UTRN: variants seen among roughly 807,000 people sequenced by gnomAD.
The protein encoded by UTRN is dystrophin-related protein 1.
A neutral mutation model predicts 463.9 loss-of-function variants in UTRN; 283 were observed. The ratio of observed to expected loss-of-function variants is 0.61; its 90% CI spans 0.55 to 0.67. The LOEUF is 0.67. Among genes scored for constraint, UTRN ranks in the 30% least tolerant of loss-of-function variants. UTRN has a pLI of 0.00. For missense variants in UTRN, 3,922 were observed against 4,084.3 expected, an observed-to-expected ratio of 0.96 and a Z score of 1.08; for synonymous variants, 1,442 against 1,431.5, an observed-to-expected ratio of 1.01 and a Z score of -0.17.
At chr6:144,340,726 T>C (rs1444966419) in intron 2 of UTRN, among the ~76,000 whole-genome samples, 2 of 152,192 alleles carry the variant, frequency 1.3e-5, no homozygotes, top group South Asian at 2.1e-4. Context: ...ACTTGCAACA[T>C]AAATGGTCTA....
intron 51 of UTRN, among the ~76,000 whole-genome samples, chr6:144,622,370 A>G (rs941212827): frequency 2.6e-5 from 4 of 151,710 alleles, no homozygotes; most frequent in African/African-American, 9.7e-5. Flanking sequence ...TATTTTTATT[A>G]GAGATGGGGT....
intron 2 of UTRN, among the ~76,000 whole-genome samples, chr6:144,329,074 C>T (rs1300128214): frequency 1.3e-5 from 2 of 148,634 alleles, no homozygotes; most frequent in East Asian, 2.0e-4. Flanking sequence ...TGTGAGCCAC[C>T]GCACCTGGCC....
Position 144,516,949 on chromosome 6 carries a change from G to A in UTRN, c.5541+1G>A. ...GCATACTAGATACAACAAAATTAAG[G>A]TATTATGATTGGAGAGTCTCTGTTG... is the stretch of plus-strand genomic sequence containing the variant. On this transcript the variant is annotated splice_donor_variant, in intron 39 of 74. Coordinates refer to ENST00000367545, the MANE Select transcript of UTRN (RefSeq NM_007124.3). LOFTEE classifies it high-confidence loss of function. The A allele has an allele frequency of 1.4e-6, 2 of 1,471,112 alleles. No homozygotes were observed. Among genetic ancestry groups the A allele is most frequent in the Non-Finnish European group, 1.8e-6 (2 of 1,116,056 alleles). 91.1% of individuals were successfully genotyped at this position (1,471,112 alleles called of 1,614,324 possible). A position where few individuals can be genotyped will look rare whatever the true frequency, so the allele number is the denominator to read the frequency against.
In UTRN at chr6:144,781,989, G is replaced by C; in HGVS notation, c.8700G>C (p.Gln2900His). The C allele has an allele frequency of 1.2e-6, 2 of 1,613,988 alleles. No individual in the cohort carries two copies. Among genetic ancestry groups the C allele is most frequent in the Non-Finnish European group, 1.7e-6 (2 of 1,179,970 alleles). Residue 2900 changes from glutamine (Q) to histidine (H), a missense_variant, in exon 61 of 75, where the codon CAG becomes CAC. Gln to His is a conservative substitution (Grantham distance 24). This residue lies in a region of UTRN where 1,309 missense variants were observed against 1,452.6 expected (regional missense o/e 0.90). Transcript: ENST00000367545. Reference protein sequence around the residue: ...FKQHKLNQNDQLLSVPDVINC... With the variant: ...FKQHKLNQNDHLLSVPDVINC... ...AGCACAAGTTGAACCAAAATGACCA[G>C]CTCCTCAGTGTTCCAGATGTCATCA...
At chr6:144,416,176 T>C (rs75253095) in intron 3 of UTRN, among the ~76,000 whole-genome samples, 30 of 152,294 alleles carry the variant, frequency 2.0e-4, no homozygotes, top group African/African-American at 7.0e-4. Context: ...GGTCATGCTC[T>C]ATGCAGAAAT....
In UTRN at chr6:144,563,158, A is replaced by G. The variant is rs377249847; in HGVS notation, c.7289+5847A>G. On this transcript the variant is annotated intron_variant, in intron 50 of 74. Coordinates refer to ENST00000367545, the MANE Select transcript of UTRN (RefSeq NM_007124.3). ...ATGGCCAGCTAGACATGTGGAATGT[A>G]TATAGTTTTCAAAAGGTTATTTAAA... is the stretch of plus-strand genomic sequence containing the variant. Among the ~76,000 whole-genome samples, 20 of 152,306 alleles carry G rather than the reference A, an allele frequency of 1.3e-4. No homozygotes were observed. The East Asian group carries it at 1.3e-3, about 10-fold the overall frequency.
chr6:144,468,594 G>T (rs562504055), intron 23 of UTRN, among the ~76,000 whole-genome samples: 1 of 144,160 alleles, frequency 6.9e-6, no homozygotes, highest in African/African-American at 2.6e-5. Context: ...TTAAAGAAAT[G>T]TGTGTGTGTG....
Position 144,531,043 on chromosome 6 carries a change from G to A in UTRN, c.5907-9G>A. The A allele has an allele frequency of 6.2e-7, 1 of 1,612,440 alleles. No individual in the cohort carries two copies. The highest frequency in any genetic ancestry group is 8.5e-7 in the Non-Finnish European group (1 of 1,179,140). On this transcript the variant is annotated splice_polypyrimidine_tract_variant and intron_variant, in intron 41 of 74. Coordinates refer to ENST00000367545, the MANE Select transcript of UTRN (RefSeq NM_007124.3). ...GGAAACCTATTTTATTTTGTGTATTGTCCTCTAGTTGTTTTGACAGGGCAA... is the reference window on the plus strand; with the variant it reads ...GGAAACCTATTTTATTTTGTGTATTATCCTCTAGTTGTTTTGACAGGGCAA...
intron 41 of UTRN, among the ~76,000 whole-genome samples, chr6:144,529,683 A>G (rs1032597118): frequency 6.6e-6 from 1 of 152,104 alleles, no homozygotes; most frequent in African/African-American, 2.4e-5. Context: ...TCAATAGAAA[A>G]TTGCTTTACT....
rs148445130 is a variant in UTRN at position 144,717,881 on chromosome 6, C to A, written c.7810-12476C>A. ...CGAACTCCTGACCTCATGATCCACC[C>A]GCCTCAGCCTCCCAAAGTGCTGGTA... is the stretch of plus-strand genomic sequence containing the variant. On this transcript the variant is annotated intron_variant, in intron 53 of 74. Coordinates refer to ENST00000367545, the MANE Select transcript of UTRN (RefSeq NM_007124.3). 9.2e-4 allele frequency among the ~76,000 whole-genome samples: 140 copies of A among 151,942 alleles called. 1 individual carries two copies. In the East Asian group the frequency reaches 0.022, roughly 24 times the overall value.
chr6:144,595,692 C>A (rs1009808086), intron 51 of UTRN, among the ~76,000 whole-genome samples: 3 of 152,182 alleles, frequency 2.0e-5, no homozygotes, highest in Admixed American at 6.5e-5. Flanking sequence ...AGAATTAGGG[C>A]AGCCATAATT....
intron 65 of UTRN, among the ~76,000 whole-genome samples, chr6:144,818,401 T>G (rs1296118694): frequency 6.6e-6 from 1 of 152,186 alleles, no homozygotes; most frequent in Non-Finnish European, 1.5e-5. Flanking sequence ...TTACCCTTTC[T>G]GAGGCACACT....
intron 21 of UTRN, 141 bp downstream of exon 21, chr6:144,459,495 T>A: frequency 1.2e-6 from 1 of 869,502 alleles, no homozygotes; most frequent in Non-Finnish European, 1.6e-6. Context: ...TTCAAAGTCT[T>A]AAAGTCTTCT....
At chr6:144,692,053 C>G (rs1039117072) in intron 52 of UTRN, among the ~76,000 whole-genome samples, 3 of 152,154 alleles carry the variant, frequency 2.0e-5, no homozygotes, top group Non-Finnish European at 4.4e-5. Flanking sequence ...ATCTTCCATC[C>G]TCTGATAGGC....
intron 53 of UTRN, among the ~76,000 whole-genome samples, chr6:144,720,900 C>T (rs1051265695): frequency 3.9e-5 from 6 of 152,170 alleles, no homozygotes; most frequent in Non-Finnish European, 5.9e-5. Context: ...CCCCTTTATA[C>T]TATAAGTTTC....
intron 2 of UTRN, among the ~76,000 whole-genome samples, chr6:144,380,258 A>G (rs976396876): frequency 6.6e-6 from 1 of 152,178 alleles, no homozygotes; most frequent in Non-Finnish European, 1.5e-5. Context: ...TGTGCACTGT[A>G]ATAAAAACAG....
chr6:144,414,483 C>CA (rs1191389054), intron 3 of UTRN, among the ~76,000 whole-genome samples: 1 of 151,776 alleles, frequency 6.6e-6, no homozygotes. Flanking sequence ...TTATAAAAGT[C>CA]AAAAAATTAA....
chr6:144,796,958 A>G (rs1371756683), intron 63 of UTRN, among the ~76,000 whole-genome samples: 2 of 152,260 alleles, frequency 1.3e-5, no homozygotes, highest in Non-Finnish European at 2.9e-5. Context: ...AGCTTTGCAC[A>G]TAGGAAAATT....
intron 51 of UTRN, among the ~76,000 whole-genome samples, chr6:144,629,462 C>T (rs1444924292): frequency 1.3e-5 from 2 of 152,196 alleles, no homozygotes; most frequent in African/African-American, 4.8e-5. Flanking sequence ...ATAATTAAAA[C>T]AATCACTATT....
Sources: allele counts gnomAD v4.1 joint callset (sites outside exome capture counted in the v4.1 genomes callset), GRCh38; gene constraint gnomAD v4.1.1; regional missense constraint gnomAD v4.1.1; transcripts MANE v1.5; gene names NCBI Gene and HGNC (gene_info 2026-07-23, HGNC 2026-07-21).